The following SLC16A13 variants were observed in gnomAD, a reference collection of about 807,000 sequenced individuals.
SLC16A13 encodes solute carrier family 16 member 13.
Under a neutral mutation model 28.1 loss-of-function variants are expected in SLC16A13, and 28 were observed. The ratio of observed to expected loss-of-function variants is 1.00; its 90% CI spans 0.74 to 1.37. SLC16A13 has a LOEUF of 1.37. Among genes scored for constraint, SLC16A13 ranks in the 40% most tolerant of loss-of-function variants. SLC16A13 has a pLI of 0.00. For missense variants in SLC16A13, 482 were observed against 531.8 expected, an observed-to-expected ratio of 0.91 and a Z score of 0.92; for synonymous variants, 228 against 241.6, an observed-to-expected ratio of 0.94 and a Z score of 0.52.
chr17:7,036,366 G>A lies in SLC16A13; in HGVS notation c.-17G>A. On this transcript the variant is annotated 5_prime_UTR_variant, in exon 1 of 4. Transcript: ENST00000308027. ...CCTGCAGAGGCTCTGGGTGGCAGCA[G>A]CCCTGTTACCGCTTAGATGGCGCGC... The A allele has an allele frequency of 6.3e-7, 1 of 1,599,202 alleles. No homozygotes were observed. The highest frequency in any genetic ancestry group is 8.5e-7 in the Non-Finnish European group (1 of 1,172,942).
At position 7,039,923 on chromosome 17, in the gene SLC16A13, T is replaced by TA; in HGVS notation, c.1245dup (p.Val416SerfsTer43). 4 of 1,613,992 alleles carry TA rather than the reference T, an allele frequency of 2.5e-6. No homozygotes were observed. Among genetic ancestry groups the TA allele is most frequent in the Non-Finnish European group, 2.5e-6 (3 of 1,180,026 alleles). ...ACCTTGTAACAGAAGCACTAGATACTAAAGTTCCCCTACCCAAGGAGGGGC... is the reference window on the plus strand; with the variant it reads ...ACCTTGTAACAGAAGCACTAGATACTAAAAGTTCCCCTACCCAAGGAGGGGC... On this transcript the variant is annotated frameshift_variant, in exon 4 of 4. Transcript: ENST00000308027. LOFTEE classifies it high-confidence loss of function. The surrounding 1 kb of genome is among the most constrained non-coding windows in gnomAD (Gnocchi z 4.3).
In SLC16A13 at chr17:7,036,589, C is replaced by A; in HGVS notation, c.199+8C>A. 1 of 1,612,182 alleles carries A rather than the reference C, an allele frequency of 6.2e-7. No individual in the cohort carries two copies. The highest frequency in any genetic ancestry group is 2.2e-5 in the East Asian group (1 of 44,880). Reference sequence around the variant, plus strand: ...CGGTGCAGCAGTTTGGGAGTGAGTGCGGCGCCTGGATCTGGCGGACTGCGA... The same window carrying A: ...CGGTGCAGCAGTTTGGGAGTGAGTGAGGCGCCTGGATCTGGCGGACTGCGA... On this transcript the variant is annotated splice_region_variant and intron_variant, in intron 1 of 3. Transcript: ENST00000308027.
rs1027801344 is a variant in SLC16A13, at chr17:7,040,115, C to G, written c.*153C>G. ...GGCTCCTGCAATGTGTGTGCCAACC[C>G]TTTGTATTTTGTTGAGGACTCTTAT... On this transcript the variant is annotated 3_prime_UTR_variant, in exon 4 of 4. Coordinates refer to ENST00000308027, the MANE Select transcript of SLC16A13 (RefSeq NM_201566.3). 1 of 644,536 alleles carries G rather than the reference C, an allele frequency of 1.6e-6. No individual in the cohort carries two copies. Among genetic ancestry groups the G allele is most frequent in the Non-Finnish European group, 2.7e-6 (1 of 373,654 alleles). 39.9% of individuals were successfully genotyped at this position (644,536 alleles called of 1,614,324 possible). A position where few individuals can be genotyped will look rare whatever the true frequency, so the allele number is the denominator to read the frequency against.
chr17:7,036,244 G>T lies in SLC16A13; in HGVS notation c.-139G>T. 1.2e-6 allele frequency: 1 copy of T among 811,692 alleles called. No homozygotes were observed. The highest frequency in any genetic ancestry group is 2.6e-5 in the East Asian group (1 of 38,882). The allele number at this position is 811,692 out of a possible 1,614,324, so 50.3% of individuals were successfully genotyped here. On this transcript the variant is annotated 5_prime_UTR_variant, in exon 1 of 4. Coordinates refer to ENST00000308027, the MANE Select transcript of SLC16A13 (RefSeq NM_201566.3). ...GCAGGGGCCTCTCGCCGCCTCGTCGGGCCCTTCCTCTCTACCTGCCTCTCC... is the reference window on the plus strand; with the variant it reads ...GCAGGGGCCTCTCGCCGCCTCGTCGTGCCCTTCCTCTCTACCTGCCTCTCC...
Position 7,038,247 on chromosome 17 carries a change from G to A in SLC16A13, c.439G>A (p.Gly147Ser). 1 of 1,614,138 alleles carries A rather than the reference G, an allele frequency of 6.2e-7. No individual in the cohort carries two copies. The highest frequency in any genetic ancestry group is 8.5e-7 in the Non-Finnish European group (1 of 1,180,040). Residue 147 changes from glycine to serine, a missense_variant, in exon 3 of 4, where the codon GGC (glycine) becomes AGC (serine). Physicochemically the swap from Gly to Ser is moderately conservative, Grantham distance 56. Transcript: ENST00000308027. The surrounding 1 kb of genome is among the most constrained non-coding windows in gnomAD (Gnocchi z 5.7). ...CCTGGCCACCGGGCTGGCACTGACAGGCGTGGGCCTCTCCTCCTTCACATT... is the reference window on the plus strand; with the variant it reads ...CCTGGCCACCGGGCTGGCACTGACAAGCGTGGGCCTCTCCTCCTTCACATT... ...RSLATGLALTGVGLSSFTFAP... is the reference protein window; with the variant it reads ...RSLATGLALTSVGLSSFTFAP...
intron 2 of SLC16A13, among the ~76,000 whole-genome samples, chr17:7,037,511 G>A (rs1251225851): frequency 2.0e-5 from 3 of 151,998 alleles, no homozygotes; most frequent in Non-Finnish European, 2.9e-5. Flanking sequence ...CGGATCACGA[G>A]GTCAGGAGAT....
In SLC16A13 at chr17:7,040,000, A is replaced by C; in HGVS notation, c.*38A>C. On this transcript the variant is annotated 3_prime_UTR_variant, in exon 4 of 4. Transcript: ENST00000308027. This position sits in a 1 kb window ranked among gnomAD's most constrained non-coding sequence, Gnocchi z 4.3. Reference sequence around the variant, plus strand: ...CAGGCCCAGAAAGCCAAAGCTTGACAGCTCCAGGTCTTCTCTTGCCACGTC... The same window carrying C: ...CAGGCCCAGAAAGCCAAAGCTTGACCGCTCCAGGTCTTCTCTTGCCACGTC... 1.3e-6 allele frequency: 2 copies of C among 1,583,752 alleles called. No individual in the cohort carries two copies. Among genetic ancestry groups the C allele is most frequent in the Non-Finnish European group, 1.7e-6 (2 of 1,158,484 alleles).
intron 1 of SLC16A13, 66 bp from the exon 2 acceptor site, chr17:7,036,661 A>AT: frequency 1.2e-6 from 2 of 1,605,780 alleles, no homozygotes; most frequent in Non-Finnish European, 1.7e-6. Context: ...TGGAAGGGCG[A>AT]GGGGCGGGAG....
chr17:7,039,939 A>G lies in SLC16A13; in HGVS notation c.1258A>G (p.Lys420Glu), dbSNP rs148247138. 3.6e-4 allele frequency: 582 copies of G among 1,613,848 alleles called. 1 individual carries two copies. Among genetic ancestry groups the G allele is most frequent in the Non-Finnish European group, 4.6e-4 (540 of 1,179,990 alleles). Residue 420 changes from lysine to glutamate, a missense_variant, in exon 4 of 4, where the codon AAG (lysine) becomes GAG (glutamate). By Grantham distance (56) the Lys-to-Glu change is moderately conservative (BLOSUM62 1). Coordinates refer to ENST00000308027, the MANE Select transcript of SLC16A13 (RefSeq NM_201566.3). This position sits in a 1 kb window ranked among gnomAD's most constrained non-coding sequence, Gnocchi z 4.3. ...EALDTKVPLP[K>E]EGLEED is the part of the protein sequence containing the mutation. ...ACTAGATACTAAAGTTCCCCTACCCAAGGAGGGGCTGGAAGAGGACTGAAC... is the reference window on the plus strand; with the variant it reads ...ACTAGATACTAAAGTTCCCCTACCCGAGGAGGGGCTGGAAGAGGACTGAAC...
Position 7,036,106 on chromosome 17 carries a change from C to A in SLC16A13, c.-277C>A. The A allele has an allele frequency of 2.6e-6, 1 of 380,172 alleles. No homozygotes were observed. The highest frequency in any genetic ancestry group is 4.8e-6 in the Non-Finnish European group (1 of 210,330). The allele number at this position is 380,172 out of a possible 1,614,324, so 23.5% of individuals were successfully genotyped here. A position where few individuals can be genotyped will look rare whatever the true frequency, so the allele number is the denominator to read the frequency against. On this transcript the variant is annotated 5_prime_UTR_variant, in exon 1 of 4. Transcript: ENST00000308027. ...ACACCGAACCGGGACCGATCCGGCC[C>A]CGGCTTGAACTAGCTCAGCTCCGAG... is the stretch of plus-strand genomic sequence containing the variant.
rs1910645908 is a variant in SLC16A13 at position 7,038,687 on chromosome 17, G to C, written c.879G>C (p.Val293=). Residue 293 remains valine (V), a synonymous_variant, in exon 3 of 4, where the codon GTG becomes GTC. Transcript: ENST00000308027. The surrounding 1 kb of genome is among the most constrained non-coding windows in gnomAD (Gnocchi z 5.7). The stretch of plus-strand genomic sequence containing the variant: ...TGCTCTGGACCACCTTGACTGGGGT[G>C]TCACTAGCCCTGTTCCCTGTAGCTC... ...LLMLWTTLTG[V]SLALFPVAQA... The C allele has an allele frequency of 1.9e-6, 3 of 1,614,082 alleles. No homozygotes were observed. Among genetic ancestry groups the C allele is most frequent in the Non-Finnish European group, 2.5e-6 (3 of 1,180,044 alleles).
Position 7,038,450 on chromosome 17 carries a change from C to T in SLC16A13, c.642C>T (p.Gly214=). 6.2e-7 allele frequency: 1 copy of T among 1,614,166 alleles called. No individual in the cohort carries two copies. The highest frequency in any genetic ancestry group is 2.2e-5 in the East Asian group (1 of 44,876). ...AACTCACCTCTCTCCTCCATCATGG[C>T]CCCTTCCTCCGTTACACTGTTGCCC... ...RAQLTSLLHH[G]PFLRYTVALT... is the part of the protein sequence containing the mutation. Residue 214 remains glycine (G), a synonymous_variant, in exon 3 of 4, where the codon GGC becomes GGT. Coordinates refer to ENST00000308027, the MANE Select transcript of SLC16A13 (RefSeq NM_201566.3). This position sits in a 1 kb window ranked among gnomAD's most constrained non-coding sequence, Gnocchi z 5.7.
rs1452896306 is a variant in SLC16A13, at chr17:7,039,207, T to C, written c.1081+318T>C. Among the ~76,000 whole-genome samples the C allele has an allele frequency of 6.6e-6, 1 of 152,170 alleles. No homozygotes were observed. Reference sequence around the variant, plus strand: ...GTGTGCACCCTTTCCTTTGGCCTACTGGGCCCCAAACCAGGTATCTGAGGC... The same window carrying C: ...GTGTGCACCCTTTCCTTTGGCCTACCGGGCCCCAAACCAGGTATCTGAGGC... On this transcript the variant is annotated intron_variant, in intron 3 of 3. Transcript: ENST00000308027. The surrounding 1 kb of genome is among the most constrained non-coding windows in gnomAD (Gnocchi z 4.3).
Position 7,036,884 on chromosome 17 carries a change from C to G in SLC16A13, c.343+14C>G. 1.2e-6 allele frequency: 2 copies of G among 1,610,326 alleles called. No homozygotes were observed. The highest frequency in any genetic ancestry group is 1.7e-6 in the Non-Finnish European group (2 of 1,179,764). ...GGTTGCTGTCAGGTGAGAGCCTGCACAAGGGCAGGAGAGTCAAATGCTTAG... is the reference window on the plus strand; with the variant it reads ...GGTTGCTGTCAGGTGAGAGCCTGCAGAAGGGCAGGAGAGTCAAATGCTTAG... On this transcript the variant is annotated intron_variant, in intron 2 of 3. Coordinates refer to ENST00000308027, the MANE Select transcript of SLC16A13 (RefSeq NM_201566.3).
rs1910658444 is a variant in SLC16A13, at chr17:7,039,031, T to C, written c.1081+142T>C. The C allele has an allele frequency of 4.4e-6, 5 of 1,141,854 alleles. No homozygotes were observed. The highest frequency in any genetic ancestry group is 6.0e-6 in the Non-Finnish European group (5 of 831,400). 70.7% of individuals were successfully genotyped at this position (1,141,854 alleles called of 1,614,324 possible). A position where few individuals can be genotyped will look rare whatever the true frequency, so the allele number is the denominator to read the frequency against. ...CCTGCGTGGCCAACCATAGCATCCC[T>C]GAAATGGGTCCATGGGGCAAAGAAC... On this transcript the variant is annotated intron_variant, in intron 3 of 3. Transcript: ENST00000308027. This position sits in a 1 kb window ranked among gnomAD's most constrained non-coding sequence, Gnocchi z 4.3.
rs764448060 is a variant in SLC16A13 at position 7,038,570 on chromosome 17, A to G, written c.762A>G (p.Leu254=). The change falls in exon 3 of 4, where the codon CTA becomes CTG. Residue 254 remains leucine (L), a synonymous_variant. Coordinates refer to ENST00000308027, the MANE Select transcript of SLC16A13 (RefSeq NM_201566.3). The surrounding 1 kb of genome is among the most constrained non-coding windows in gnomAD (Gnocchi z 5.7). ...GGGACCCACTACCTGCTGCCTTCCT[A>G]CTCTCAGTTGTTGCTATTTCTGACC... ...LDWDPLPAAF[L]LSVVAISDLV... is the part of the protein sequence containing the mutation. 1.4e-5 allele frequency: 23 copies of G among 1,613,074 alleles called. No homozygotes were observed. In the African/African-American group the frequency reaches 1.7e-4, roughly 12 times the overall value.
In SLC16A13 at chr17:7,036,173, G is replaced by T; in HGVS notation, c.-210G>T. On this transcript the variant is annotated 5_prime_UTR_variant, in exon 1 of 4. Transcript: ENST00000308027. Reference sequence around the variant, plus strand: ...CCCGGGAGACTCTGGCCCGGCCAGCGCGGGCCAGGTCTTCAGTCCTATATC... The same window carrying T: ...CCCGGGAGACTCTGGCCCGGCCAGCTCGGGCCAGGTCTTCAGTCCTATATC... 1.9e-6 allele frequency: 1 copy of T among 518,826 alleles called. No individual in the cohort carries two copies. Among genetic ancestry groups the T allele is most frequent in the East Asian group, 3.1e-5 (1 of 32,530 alleles). 32.1% of individuals were successfully genotyped at this position (518,826 alleles called of 1,614,324 possible).
intron 1 of SLC16A13, 49 bp from the exon 2 acceptor site, chr17:7,036,678 G>A (rs369137949): frequency 9.3e-6 from 15 of 1,607,264 alleles, no homozygotes; most frequent in Admixed American, 6.7e-5. Context: ...GGAGATGCTG[G>A]GGGGGAGACC....
intron 2 of SLC16A13, among the ~76,000 whole-genome samples, chr17:7,037,341 C>T (rs867352480): frequency 2.4e-5 from 1 of 42,000 alleles, no homozygotes; most frequent in African/African-American, 9.2e-5. Context: ...GATTCTGTCT[C>T]AAAAAAAAAA....
Sources: allele counts gnomAD v4.1 joint callset (sites outside exome capture counted in the v4.1 genomes callset), GRCh38; gene constraint gnomAD v4.1.1; non-coding constraint Gnocchi (gnomAD v3.1); transcripts MANE v1.5; gene names NCBI Gene and HGNC (gene_info 2026-07-23, HGNC 2026-07-21).